The following PHLDB2 variants were observed in gnomAD, a reference collection of about 807,000 sequenced individuals.
PHLDB2 encodes the protein pleckstrin homology-like domain family B member 2.
Under a neutral mutation model 123.6 loss-of-function variants are expected in PHLDB2, and 71 were observed. The ratio of observed to expected loss-of-function variants is 0.57; its 90% CI spans 0.47 to 0.70. The LOEUF is 0.70. PHLDB2 is among the 30% of genes least tolerant of loss of function. The probability of loss-of-function intolerance (pLI) is 0.00; values close to 1 mark genes in which losing one functional copy is unlikely to be tolerated. For missense variants in PHLDB2, 1,446 were observed against 1,519.5 expected (o/e 0.95, Z 0.80); for synonymous variants, 547 against 541.6 (o/e 1.01, Z -0.14).
In PHLDB2 at chr3:111,938,765, AAAAGAAGAGCTTC is replaced by A. The variant is rs2069665149; in HGVS notation, c.2131-709_2131-697del. Among the ~76,000 whole-genome samples the A allele has an allele frequency of 3.3e-5, 5 of 152,090 alleles. No individual in the cohort carries two copies. The South Asian group carries it at 1.0e-3, about 32-fold the overall frequency. On this transcript the variant is annotated intron_variant, in intron 6 of 17. Transcript: ENST00000431670. ...TCTTGTTTTCTATGAAAAATTGAAG[AAAAGAAGAGCTTC>A]CTTTCCTTTCCTTTCCTTTCTTTCT... is the stretch of plus-strand genomic sequence containing the variant.
At chr3:111,787,199 T>C (rs951585717) in intron 1 of PHLDB2, among the ~76,000 whole-genome samples, 3 of 152,170 alleles carry the variant, frequency 2.0e-5, no homozygotes, top group African/African-American at 7.2e-5. Context: ...CCTTTAGATA[T>C]CTCAAATATA....
At chr3:111,834,187 TATATGTAATAGAATTA>T (rs2063250652) in intron 1 of PHLDB2, among the ~76,000 whole-genome samples, 4 of 98,634 alleles carry the variant, frequency 4.1e-5, no homozygotes, top group Non-Finnish European at 5.2e-5. Flanking sequence ...ATATATATTA[TATATGTAATAGAATTA>T]TATATGTAAT....
intron 9 of PHLDB2, among the ~76,000 whole-genome samples, chr3:111,947,444 T>C (rs2070390233): frequency 1.3e-5 from 2 of 152,190 alleles, no homozygotes; most frequent in African/African-American, 4.8e-5. Context: ...TTTTCTTTTT[T>C]TCTTCTGCTC....
intron 1 of PHLDB2, among the ~76,000 whole-genome samples, chr3:111,771,097 CA>C (rs1156453422): frequency 6.6e-6 from 1 of 152,212 alleles, no homozygotes; most frequent in Non-Finnish European, 1.5e-5. Flanking sequence ...GTCAGCATCT[CA>C]GCAATCATGG....
intron 1 of PHLDB2, among the ~76,000 whole-genome samples, chr3:111,863,319 G>T (rs1358478265): frequency 1.3e-5 from 2 of 152,156 alleles, no homozygotes; most frequent in African/African-American, 4.8e-5. Flanking sequence ...TGCCTTATCG[G>T]TTAAGAGTAG....
At chr3:111,971,485 C>T (rs1429669829) in intron 16 of PHLDB2, among the ~76,000 whole-genome samples, 4 of 152,074 alleles carry the variant, frequency 2.6e-5, no homozygotes, top group Non-Finnish European at 5.9e-5. Flanking sequence ...AAAAATTACC[C>T]AGAACCCTAA....
chr3:111,750,991 A>G (rs2059762083), intron 1 of PHLDB2, among the ~76,000 whole-genome samples: 1 of 151,348 alleles, frequency 6.6e-6, no homozygotes, highest in Non-Finnish European at 1.5e-5. Flanking sequence ...TCTCTGCCCT[A>G]TTGAACCATA....
chr3:111,803,068 GA>G (rs1418796682), intron 1 of PHLDB2, among the ~76,000 whole-genome samples: 1 of 152,196 alleles, frequency 6.6e-6, no homozygotes, highest in Non-Finnish European at 1.5e-5. Context: ...AGAAACAAAA[GA>G]AAAAGCAGAA....
intron 2 of PHLDB2, among the ~76,000 whole-genome samples, chr3:111,904,458 C>T (rs2067397980): frequency 6.6e-6 from 1 of 151,884 alleles, no homozygotes; most frequent in Non-Finnish European, 1.5e-5. Context: ...TGTGAAATGC[C>T]CCTTCTCATT....
intron 1 of PHLDB2, among the ~76,000 whole-genome samples, chr3:111,761,529 G>A (rs1161745580): frequency 6.6e-6 from 1 of 152,234 alleles, no homozygotes; most frequent in African/African-American, 2.4e-5. Flanking sequence ...TAGGGAGAAT[G>A]AGTCACTAGC....
chr3:111,795,856 T>C (rs2061135236), intron 1 of PHLDB2, among the ~76,000 whole-genome samples: 1 of 151,910 alleles, frequency 6.6e-6, no homozygotes, highest in Non-Finnish European at 1.5e-5. Context: ...TCCCCAGCAG[T>C]TGGGATTATA....
chr3:111,837,403 G>T (rs529409862), intron 1 of PHLDB2, among the ~76,000 whole-genome samples: 2 of 152,256 alleles, frequency 1.3e-5, no homozygotes, highest in African/African-American at 4.8e-5. Flanking sequence ...ATGGAGAAGA[G>T]TGTGTTCTAT....
intron 1 of PHLDB2, among the ~76,000 whole-genome samples, chr3:111,862,807 G>A (rs565491629): frequency 6.6e-6 from 1 of 152,232 alleles, no homozygotes; most frequent in East Asian, 1.9e-4. Flanking sequence ...AAAGTCATGG[G>A]ATTTGGGAGC....
intron 12 of PHLDB2, among the ~76,000 whole-genome samples, chr3:111,956,105 G>GGATC (rs1241602312): frequency 6.6e-6 from 1 of 152,180 alleles, no homozygotes; most frequent in African/African-American, 2.4e-5. Flanking sequence ...TGAGGTAGGA[G>GGATC]GATCGCTTGA....
chr3:111,811,531 C>A (rs771899117), intron 1 of PHLDB2, among the ~76,000 whole-genome samples: 3 of 152,022 alleles, frequency 2.0e-5, no homozygotes, highest in Non-Finnish European at 4.4e-5. Context: ...GGTTTTTAAC[C>A]TGTAGGCCCC....
At chr3:111,740,994 G>A (rs1021369161) in intron 1 of PHLDB2, among the ~76,000 whole-genome samples, 1 of 151,936 alleles carries the variant, frequency 6.6e-6, no homozygotes, top group African/African-American at 2.4e-5. Flanking sequence ...GCTGAAACAT[G>A]GAGACAATCT....
At chr3:111,885,705 A>T in intron 2 of PHLDB2, 1 of 617,712 alleles carries the variant, frequency 1.6e-6, no homozygotes, top group Non-Finnish European at 2.9e-6. Context: ...GAATTTTATG[A>T]AATTTCTGAG....
At chr3:111,910,374 C>T (rs1308753380) in intron 2 of PHLDB2, among the ~76,000 whole-genome samples, 1 of 152,098 alleles carries the variant, frequency 6.6e-6, no homozygotes, top group African/African-American at 2.4e-5. Context: ...TATGTAGGCT[C>T]TGTACTTGGA....
intron 2 of PHLDB2, among the ~76,000 whole-genome samples, chr3:111,848,714 G>A (rs142583019): frequency 1.3e-5 from 2 of 152,340 alleles, no homozygotes; most frequent in East Asian, 3.9e-4. Flanking sequence ...GGCCCTGCAA[G>A]ATTATAATGG....
Sources: gnomAD v4.1 joint callset for allele counts (sites outside exome capture counted in the v4.1 genomes callset) on GRCh38, gnomAD v4.1.1 for gene constraint, MANE v1.5 for transcripts, NCBI Gene and HGNC (gene_info 2026-07-23, HGNC 2026-07-21) for gene names.